Variants in BLOC1S3 observed in about 807,000 individuals in gnomAD.
The protein encoded by BLOC1S3 is biogenesis of lysosomal organelles complex 1 subunit 3.
BLOC1S3 carries 7 observed loss-of-function variants against 9.1 expected under a neutral mutation model. The observed-to-expected ratio is 0.77, with a 90% CI of 0.44 to 1.45. The LOEUF is 1.45. BLOC1S3 is among the 40% of genes most tolerant of loss of function. BLOC1S3 has a pLI of 0.01. For missense variants in BLOC1S3, 307 were observed against 315.2 expected (o/e 0.97, Z 0.20); for synonymous variants, 145 against 158.4 (o/e 0.92, Z 0.64).
chr19:45,195,567 C>CTCCCCCCCTCCT (rs1969641341), intron 2 of BLOC1S3, among the ~76,000 whole-genome samples: 1 of 130,034 alleles, frequency 7.7e-6, no homozygotes, highest in Non-Finnish European at 1.6e-5. Flanking sequence ...CCTTCCCTCC[C>CTCCCCCCCTCCT]TCCCTCCCTC....
rs964317834 is a variant in BLOC1S3 at position 45,181,111 on chromosome 19, C to T, written c.*1206C>T. 6.0e-6 allele frequency: 1 copy of T among 167,852 alleles called. No individual in the cohort carries two copies. Among genetic ancestry groups the T allele is most frequent in the Admixed American group, 6.5e-5 (1 of 15,296 alleles). 10.4% of individuals were successfully genotyped at this position (167,852 alleles called of 1,614,324 possible). A position where few individuals can be genotyped will look rare whatever the true frequency, so the allele number is the denominator to read the frequency against. On this transcript the variant is annotated 3_prime_UTR_variant, in exon 2 of 2. Transcript: ENST00000433642. ...TTGTTCTCCCATCTGCCTCCTGCCTCCTCCCCTTTGAGCTTAGCCCCGCCC... is the reference window on the plus strand; with the variant it reads ...TTGTTCTCCCATCTGCCTCCTGCCTTCTCCCCTTTGAGCTTAGCCCCGCCC...
chr19:45,182,835 T>A (rs996007867), downstream of BLOC1S3, among the ~76,000 whole-genome samples: 2 of 152,126 alleles, frequency 1.3e-5, no homozygotes, highest in Non-Finnish European at 2.9e-5. Context: ...ATAATTTAGA[T>A]ACAATTTTCT....
downstream of BLOC1S3, among the ~76,000 whole-genome samples, chr19:45,184,331 C>T (rs1969549788): frequency 1.3e-5 from 2 of 152,162 alleles, no homozygotes; most frequent in South Asian, 2.1e-4. Context: ...AGTGGCAGTG[C>T]ATGGTGGCTT....
chr19:45,188,021 C>T (rs78144257), intron 2 of BLOC1S3, among the ~76,000 whole-genome samples: 18,377 of 151,936 alleles, frequency 0.12, 1,422 homozygotes, highest in East Asian at 0.29. Context: ...ATGTTACAAT[C>T]CAATTACACA....
chr19:45,184,584 C>T (rs1292748846), downstream of BLOC1S3, among the ~76,000 whole-genome samples: 1 of 152,008 alleles, frequency 6.6e-6, no homozygotes. Flanking sequence ...CGAGCCTGGG[C>T]AACAGAGTGA....
At chr19:45,196,525 G>A (rs1433713257) in intron 2 of BLOC1S3, among the ~76,000 whole-genome samples, 1 of 152,120 alleles carries the variant, frequency 6.6e-6, no homozygotes, top group East Asian at 1.9e-4. Flanking sequence ...TATTCCTGAG[G>A]GAATTTAGGG....
At chr19:45,178,994 G>A (rs904540992) in intron 1 of BLOC1S3, among the ~76,000 whole-genome samples, 163 bp downstream of exon 1, 1 of 152,164 alleles carries the variant, frequency 6.6e-6, no homozygotes, top group Non-Finnish European at 1.5e-5. Context: ...TGGAGGGTGT[G>A]GCCTCTACTA....
intron 3 of BLOC1S3, among the ~76,000 whole-genome samples, chr19:45,213,612 G>A (rs964762327): frequency 3.3e-5 from 5 of 152,060 alleles, no homozygotes; most frequent in Admixed American, 3.3e-4. Context: ...CCAGCCCTGG[G>A]ATCTTCCTTT....
In BLOC1S3 at chr19:45,179,691, A is replaced by G. The variant is rs910452264; in HGVS notation, c.395A>G (p.Tyr132Cys). Residue 132 changes from tyrosine (Y) to cysteine (C), a missense_variant, in exon 2 of 2, where the codon TAC becomes TGC. Transcript: ENST00000433642. This position sits in a 1 kb window ranked among gnomAD's most constrained non-coding sequence, Gnocchi z 4.6. ...GTGGCGGCCGCCGTGAGCGGTGTCT[A>G]CCGCCGTGCAGGCCGCGACGTGGCC... Reference protein sequence around the residue: ...HDVAAAVSGVYRRAGRDVAAL... With the variant: ...HDVAAAVSGVCRRAGRDVAAL... The G allele has an allele frequency of 7.5e-6, 11 of 1,464,938 alleles. No homozygotes were observed. In the Admixed American group the frequency reaches 1.0e-4, roughly 13 times the overall value. The allele number at this position is 1,464,938 out of a possible 1,614,324, so 90.7% of individuals were successfully genotyped here.
intron 2 of BLOC1S3, among the ~76,000 whole-genome samples, chr19:45,192,000 C>T (rs1969610565): frequency 6.6e-6 from 1 of 152,206 alleles, no homozygotes; most frequent in Non-Finnish European, 1.5e-5. Flanking sequence ...GGCTTGTGTT[C>T]ATCCTTTCAG....
intron 3 of BLOC1S3, among the ~76,000 whole-genome samples, chr19:45,203,491 C>A (rs775320605): frequency 1.7e-4 from 26 of 152,124 alleles, no homozygotes; most frequent in Non-Finnish European, 3.4e-4. Context: ...TGAGGCTGGT[C>A]TCGAACTCCT....
chr19:45,190,073 G>T (rs1223107753), intron 2 of BLOC1S3, among the ~76,000 whole-genome samples: 1 of 151,032 alleles, frequency 6.6e-6, no homozygotes, highest in Non-Finnish European at 1.5e-5. Flanking sequence ...CTCGTCTCAA[G>T]CTCCTAGGCT....
At chr19:45,188,770 C>T (rs1969584348) in intron 2 of BLOC1S3, among the ~76,000 whole-genome samples, 1 of 151,654 alleles carries the variant, frequency 6.6e-6, no homozygotes, top group Admixed American at 6.6e-5. Context: ...CGGGGTTTCA[C>T]CACGTTGGTC....
intron 2 of BLOC1S3, among the ~76,000 whole-genome samples, chr19:45,196,742 A>C (rs1969651287): frequency 6.6e-6 from 1 of 151,520 alleles, no homozygotes; most frequent in Non-Finnish European, 1.5e-5. Context: ...AATACTAAAA[A>C]TACAAAAAAT....
intron 2 of BLOC1S3, among the ~76,000 whole-genome samples, chr19:45,192,797 C>T (rs1969615920): frequency 6.6e-6 from 1 of 152,054 alleles, no homozygotes; most frequent in African/African-American, 2.4e-5. Context: ...AGGTGCAAAA[C>T]AAAGACCTCT....
intron 3 of BLOC1S3, among the ~76,000 whole-genome samples, chr19:45,211,736 C>T (rs995251209): frequency 6.6e-6 from 1 of 151,388 alleles, no homozygotes; most frequent in Non-Finnish European, 1.5e-5. Context: ...AATGTGCATG[C>T]GTGAAGTTCC....
intron 3 of BLOC1S3, chr19:45,213,269 C>T (rs745620424): frequency 8.1e-6 from 13 of 1,613,582 alleles, no homozygotes; most frequent in East Asian, 6.7e-5. Context: ...TCAGAGAGTT[C>T]CAGGTCCCGG....
intron 3 of BLOC1S3, among the ~76,000 whole-genome samples, chr19:45,204,806 A>T (rs2122931893): frequency 6.6e-6 from 1 of 151,380 alleles, no homozygotes; most frequent in East Asian, 2.0e-4. Flanking sequence ...ATCTTGGCTC[A>T]CTGCAACCTC....
intron 2 of BLOC1S3, among the ~76,000 whole-genome samples, chr19:45,193,951 C>T (rs55821345): frequency 1.9e-5 from 2 of 104,540 alleles, no homozygotes; most frequent in Non-Finnish European, 3.8e-5. Context: ...TACAGGCACC[C>T]ACCACCACGC....
Sources: allele counts gnomAD v4.1 joint callset (sites outside exome capture counted in the v4.1 genomes callset), GRCh38; gene constraint gnomAD v4.1.1; non-coding constraint Gnocchi (gnomAD v3.1); transcripts MANE v1.5; gene names NCBI Gene and HGNC (gene_info 2026-07-23, HGNC 2026-07-21).